ZNF407: variants seen among roughly 807,000 people sequenced by gnomAD.
ZNF407 encodes zinc finger protein 407.
In ZNF407, 17 loss-of-function variants were observed where a neutral mutation model predicts 131.2. The observed-to-expected ratio is 0.13, with a 90% CI of 0.09 to 0.19. ZNF407 has a LOEUF of 0.19. ZNF407 is among the 10% of genes least tolerant of loss of function. ZNF407 has a pLI of 1.00. For missense variants in ZNF407, 2,681 were observed against 2,830.6 expected (o/e 0.95, Z 1.20); for synonymous variants, 1,156 against 1,062.0 (o/e 1.09, Z -1.72).
At position 75,054,651 on chromosome 18, in the gene ZNF407, C is replaced by T. The variant is rs1245524851; in HGVS notation, c.5429-8499C>T. ...GAAAAATAGGCCTTGTCTCCTGATA[C>T]TGTTTATCTGCATTGGGAGTTCATA... On this transcript the variant is annotated intron_variant, in intron 8 of 8. Transcript: ENST00000299687. 2.0e-5 allele frequency among the ~76,000 whole-genome samples: 3 copies of T among 152,206 alleles called. No homozygotes were observed. The East Asian group carries it at 5.8e-4, about 29-fold the overall frequency.
chr18:75,025,527 G>T (rs1197331299), intron 8 of ZNF407, among the ~76,000 whole-genome samples: 1 of 152,132 alleles, frequency 6.6e-6, no homozygotes, highest in Admixed American at 6.5e-5. Flanking sequence ...GCAGGTCTGT[G>T]CAATGTGTAC....
intron 3 of ZNF407, among the ~76,000 whole-genome samples, chr18:74,779,700 C>G (rs1228418605): frequency 6.6e-6 from 1 of 152,070 alleles, no homozygotes; most frequent in African/African-American, 2.4e-5. Flanking sequence ...GTTTGTTTCC[C>G]TGTGCCATGT....
intron 1 of ZNF407, among the ~76,000 whole-genome samples, chr18:74,626,470 C>T (rs956920923): frequency 6.6e-6 from 1 of 152,090 alleles, no homozygotes; most frequent in Non-Finnish European, 1.5e-5. Context: ...CACGTATGGC[C>T]TTGTATTGAG....
At chr18:74,658,062 C>G (rs1985551067) in intron 3 of ZNF407, among the ~76,000 whole-genome samples, 1 of 151,866 alleles carries the variant, frequency 6.6e-6, no homozygotes, top group Admixed American at 6.6e-5. Flanking sequence ...TATCTTACAT[C>G]CTTCTCCAAT....
At chr18:74,925,992 C>G (rs1229663425) in intron 8 of ZNF407, among the ~76,000 whole-genome samples, 1 of 152,202 alleles carries the variant, frequency 6.6e-6, no homozygotes, top group African/African-American at 2.4e-5. Context: ...TTTCCAGTGT[C>G]CTGATACTTC....
chr18:75,028,256 G>T (rs907978209), intron 8 of ZNF407, among the ~76,000 whole-genome samples: 1 of 152,186 alleles, frequency 6.6e-6, no homozygotes, highest in Non-Finnish European at 1.5e-5. Flanking sequence ...TCGTTTCGGA[G>T]GCTACCAGTT....
intron 7 of ZNF407, among the ~76,000 whole-genome samples, chr18:74,902,400 G>T (rs977323355): frequency 1.3e-5 from 2 of 152,180 alleles, no homozygotes; most frequent in African/African-American, 2.4e-5. Context: ...ACAAGGGCTC[G>T]CAGGAGTCGA....
At chr18:75,052,868 G>A (rs538198315) in intron 8 of ZNF407, among the ~76,000 whole-genome samples, 3 of 152,308 alleles carry the variant, frequency 2.0e-5, no homozygotes, top group Admixed American at 1.3e-4. Flanking sequence ...ATCAGCGTTC[G>A]GACCCATACC....
In ZNF407 at chr18:74,893,336, C is replaced by T. The variant is rs577255764; in HGVS notation, c.5249+3298C>T. 1.2e-4 allele frequency among the ~76,000 whole-genome samples: 18 copies of T among 152,196 alleles called. No homozygotes were observed. The South Asian group carries it at 1.9e-3, about 16-fold the overall frequency. Reference sequence around the variant, plus strand: ...AATTTTTAATCTTTATTTAAAACTTCGGAATAATTTGATTATTAATGAAAG... The same window carrying T: ...AATTTTTAATCTTTATTTAAAACTTTGGAATAATTTGATTATTAATGAAAG... On this transcript the variant is annotated intron_variant, in intron 7 of 8. Coordinates refer to ENST00000299687, the MANE Select transcript of ZNF407 (RefSeq NM_017757.3).
At chr18:74,716,781 T>C (rs905392940) in intron 3 of ZNF407, among the ~76,000 whole-genome samples, 2 of 152,240 alleles carry the variant, frequency 1.3e-5, no homozygotes, top group Non-Finnish European at 2.9e-5. Flanking sequence ...CGGTAATGTT[T>C]GTTTGTAGTT....
intron 3 of ZNF407, among the ~76,000 whole-genome samples, chr18:74,656,549 T>G (rs928369420): frequency 6.6e-6 from 1 of 152,152 alleles, no homozygotes; most frequent in African/African-American, 2.4e-5. Flanking sequence ...CTGGACATAC[T>G]GATTGTATAC....
chr18:74,758,890 T>C (rs894546603), intron 3 of ZNF407, among the ~76,000 whole-genome samples: 1 of 152,194 alleles, frequency 6.6e-6, no homozygotes, highest in African/African-American at 2.4e-5. Flanking sequence ...AAAAAATATA[T>C]TTATAGTTTT....
In ZNF407 at chr18:75,064,457, C is replaced by T; in HGVS notation, c.6736C>T (p.Gln2246Ter). 7 of 1,489,620 alleles carry T rather than the reference C, an allele frequency of 4.7e-6. No individual in the cohort carries two copies. Among genetic ancestry groups the T allele is most frequent in the Non-Finnish European group, 6.3e-6 (7 of 1,117,076 alleles). The allele number at this position is 1,489,620 out of a possible 1,614,324, so 92.3% of individuals were successfully genotyped here. Residue 2246 changes from glutamine (Q) to a stop codon, truncating the protein, a stop_gained, in exon 9 of 9, where the codon CAG (glutamine) becomes TAG (stop). Coordinates refer to ENST00000299687, the MANE Select transcript of ZNF407 (RefSeq NM_017757.3). LOFTEE classifies it high-confidence loss of function. Reference protein sequence around the residue: ...IQSQRESSELQEA With the variant: ...IQSQRESSEL ...GAGCCAAAGAGAAAGCAGCGAACTC[C>T]AGGAAGCATGAGACGCGCGGCACCT... is the stretch of plus-strand genomic sequence containing the variant.
intron 7 of ZNF407, among the ~76,000 whole-genome samples, chr18:74,897,728 A>T (rs1020079509): frequency 2.0e-5 from 3 of 152,222 alleles, no homozygotes; most frequent in African/African-American, 7.2e-5. Context: ...GTAACTATCT[A>T]TATCTTCCAG....
chr18:74,818,940 A>G (rs187842874), intron 4 of ZNF407, among the ~76,000 whole-genome samples: 1 of 151,852 alleles, frequency 6.6e-6, no homozygotes, highest in Non-Finnish European at 1.5e-5. Context: ...CATAAAGAAA[A>G]CAATTTTTCT....
rs552647069 is a variant in ZNF407, at chr18:74,927,418, A to G, written c.5428+6726A>G. Among the ~76,000 whole-genome samples the G allele has an allele frequency of 7.2e-5, 11 of 152,366 alleles. No individual in the cohort carries two copies. The East Asian group carries it at 1.7e-3, about 24-fold the overall frequency. ...AACATATATTAGGAAGTAGAATGAT[A>G]TAGTATAATAATGTAAAAACACCAT... On this transcript the variant is annotated intron_variant, in intron 8 of 8. Coordinates refer to ENST00000299687, the MANE Select transcript of ZNF407 (RefSeq NM_017757.3).
At chr18:75,051,549 C>A (rs1599312606) in intron 8 of ZNF407, among the ~76,000 whole-genome samples, 2 of 152,182 alleles carry the variant, frequency 1.3e-5, no homozygotes, top group African/African-American at 2.4e-5. Flanking sequence ...CTTCATGAAG[C>A]AGAGTGATAG....
At chr18:74,973,129 T>TAC (rs113049861) in intron 8 of ZNF407, among the ~76,000 whole-genome samples, 1 of 138,302 alleles carries the variant, frequency 7.2e-6, no homozygotes, top group Admixed American at 7.5e-5. Context: ...TTCTAGGTTT[T>TAC]ATATATATAT....
chr18:74,619,953 T>G (rs1474405571), intron 1 of ZNF407, among the ~76,000 whole-genome samples: 3 of 152,138 alleles, frequency 2.0e-5, no homozygotes, highest in African/African-American at 7.2e-5. Context: ...TGGCATTGAA[T>G]TTTTTCACTT....
Sources: gnomAD v4.1 joint callset for allele counts (sites outside exome capture counted in the v4.1 genomes callset) on GRCh38, gnomAD v4.1.1 for gene constraint, MANE v1.5 for transcripts, NCBI Gene and HGNC (gene_info 2026-07-23, HGNC 2026-07-21) for gene names.